Variants in GALNT6 observed in about 807,000 individuals in gnomAD.
GALNT6 encodes the protein polypeptide N-acetylgalactosaminyltransferase 6.
Under a neutral mutation model 65.9 loss-of-function variants are expected in GALNT6, and 51 were observed. That is an observed-to-expected ratio of 0.77 (90% CI 0.62 to 0.98). GALNT6 has a LOEUF of 0.98. Ranked by LOEUF, GALNT6 falls within the 50% of genes least tolerant of loss-of-function variation. GALNT6 has a pLI of 0.00. For synonymous variants in GALNT6, 323 were observed against 315.1 expected (o/e 1.02, Z -0.26); for missense variants, 708 against 803.3 (o/e 0.88, Z 1.43).
Position 51,387,656 on chromosome 12 carries a change from C to T in GALNT6, c.-104+3194G>A, listed in dbSNP as rs576928162. On this transcript the variant is annotated intron_variant, in intron 2 of 11. Transcript: ENST00000356317. The surrounding 1 kb of genome is among the most constrained non-coding windows in gnomAD (Gnocchi z 4.2). ...TTCCAGGTGGGGCAGGGGTGTGCAACGGTTTATCCCTAGGAGTGCAGAAGT... is the reference window on the plus strand; with the variant it reads ...TTCCAGGTGGGGCAGGGGTGTGCAATGGTTTATCCCTAGGAGTGCAGAAGT... Among the ~76,000 whole-genome samples, 3 of 152,108 alleles carry T rather than the reference C, an allele frequency of 2.0e-5. No homozygotes were observed. Among genetic ancestry groups the T allele is most frequent in the South Asian group, 4.1e-4 (2 of 4,820 alleles).
At chr12:51,378,812 T>C (rs1227132726) in intron 3 of GALNT6, among the ~76,000 whole-genome samples, 11 of 151,924 alleles carry the variant, frequency 7.2e-5, no homozygotes, top group Non-Finnish European at 1.6e-4. Flanking sequence ...TCCGGCCTTG[T>C]GGGCCTTCAC....
intron 9 of GALNT6, 63 bp from the exon 10 acceptor site, chr12:51,357,513 G>T: frequency 7.9e-7 from 1 of 1,263,880 alleles, no homozygotes. Flanking sequence ...CTCATGTGTG[G>T]TATGGGGCCC....
chr12:51,358,446 G>A (rs1049106889), intron 8 of GALNT6, among the ~76,000 whole-genome samples, 185 bp from the exon 9 acceptor site: 1 of 151,932 alleles, frequency 6.6e-6, no homozygotes, highest in African/African-American at 2.4e-5. Flanking sequence ...GACTACAGTC[G>A]CGCACCACCA....
chr12:51,371,901 C>T (rs1947305166), intron 4 of GALNT6, among the ~76,000 whole-genome samples: 1 of 152,170 alleles, frequency 6.6e-6, no homozygotes, highest in African/African-American at 2.4e-5. Flanking sequence ...TCTGATCAAA[C>T]AGTCAAACGT....
chr12:51,368,301 C>A (rs1947176878), intron 4 of GALNT6, among the ~76,000 whole-genome samples: 3 of 151,696 alleles, frequency 2.0e-5, no homozygotes, highest in Admixed American at 2.0e-4. Flanking sequence ...TTTGTTGAAG[C>A]TGTTCTTTAG....
chr12:51,374,163 T>A (rs1057064168), intron 4 of GALNT6, among the ~76,000 whole-genome samples: 6 of 151,872 alleles, frequency 4.0e-5, no homozygotes, highest in Non-Finnish European at 8.8e-5. Flanking sequence ...CTTGGCCTAT[T>A]TTACTTTATT....
At chr12:51,385,889 T>C (rs1033061927) in intron 2 of GALNT6, among the ~76,000 whole-genome samples, 1 of 151,986 alleles carries the variant, frequency 6.6e-6, no homozygotes, top group Non-Finnish European at 1.5e-5. Context: ...GGCTGAAGTG[T>C]AGTGGCATGA....
intron 3 of GALNT6, 125 bp downstream of exon 3, chr12:51,379,166 T>A: frequency 2.1e-6 from 2 of 954,002 alleles, no homozygotes; most frequent in South Asian, 2.1e-5. Flanking sequence ...ATAGAGGAGA[T>A]CCTTGCCCAT....
At chr12:51,361,399 C>T (rs761607763) in intron 6 of GALNT6, among the ~76,000 whole-genome samples, 6 of 152,188 alleles carry the variant, frequency 3.9e-5, no homozygotes, top group Non-Finnish European at 4.4e-5. Context: ...TTTTAGTAGG[C>T]GCCTAGCCCT....
chr12:51,388,183 C>T (rs1365314362), intron 2 of GALNT6, among the ~76,000 whole-genome samples: 2 of 152,244 alleles, frequency 1.3e-5, no homozygotes, highest in Non-Finnish European at 2.9e-5. Context: ...CCTCCGGGTT[C>T]CTCACTGTCC....
intron 2 of GALNT6, among the ~76,000 whole-genome samples, chr12:51,389,404 T>A (rs1947945971): frequency 6.6e-6 from 1 of 152,262 alleles, no homozygotes; most frequent in Non-Finnish European, 1.5e-5. Context: ...TCAAGTAACT[T>A]GACCAAGGTC....
At chr12:51,375,985 C>T (rs1194031174) in intron 4 of GALNT6, among the ~76,000 whole-genome samples, 4 of 151,998 alleles carry the variant, frequency 2.6e-5, no homozygotes, top group African/African-American at 7.2e-5. Flanking sequence ...CTCAGCCTCC[C>T]GAGCAGCTGG....
rs1565731669 is a variant in GALNT6, at chr12:51,379,661, G to T, written c.121C>A (p.Pro41Thr). 6.2e-7 allele frequency: 1 copy of T among 1,614,182 alleles called. No individual in the cohort carries two copies. The highest frequency in any genetic ancestry group is 8.5e-7 in the Non-Finnish European group (1 of 1,180,016). ...VSSREEATEK[P>T]WLKSLVSRKD... ...CGGCTCACCAGGGACTTCAGCCACG[G>T]CTTCTCTGTGGCCTCCTCTCTGCTG... Residue 41 changes from proline to threonine, a missense_variant, in exon 3 of 12, where the codon CCG (proline) becomes ACG (threonine). Pro to Thr is a conservative substitution (Grantham distance 38). Coordinates refer to ENST00000356317, the MANE Select transcript of GALNT6 (RefSeq NM_007210.4).
intron 3 of GALNT6, among the ~76,000 whole-genome samples, chr12:51,378,890 C>T (rs12307648): frequency 0.52 from 74,678 of 144,962 alleles, 21,592 homozygotes; most frequent in Non-Finnish European, 0.64. Flanking sequence ...CCACCCCCCC[C>T]CCAAACAGCT....
In GALNT6 at chr12:51,377,195, C is replaced by T. The variant is rs754964299; in HGVS notation, c.664G>A (p.Glu222Lys). 32 of 1,613,246 alleles carry T rather than the reference C, an allele frequency of 2.0e-5. No homozygotes were observed. Among genetic ancestry groups the T allele is most frequent in the Non-Finnish European group, 2.7e-5 (32 of 1,179,976 alleles). Residue 222 changes from glutamate to lysine, a missense_variant and splice_region_variant, in exon 4 of 12, where the codon GAG becomes AAG. Glu to Lys is a moderately conservative substitution (Grantham distance 56). Transcript: ENST00000356317. The part of the protein sequence containing the change: ...IILVDDASTE[E>K]HLKEKLEQYV... ...CTCCTCTGGGCCCCTCCAGCCTCAC[C>T]CTCTGTGCTGGCATCATCCACCAGT...
intron 4 of GALNT6, among the ~76,000 whole-genome samples, chr12:51,375,472 T>A (rs1208235151): frequency 1.3e-5 from 2 of 152,154 alleles, no homozygotes; most frequent in Non-Finnish European, 2.9e-5. Flanking sequence ...GTGACACTCT[T>A]ACTTGATGCC....
intron 2 of GALNT6, chr12:51,382,636 G>A (rs577598229): frequency 6.6e-6 from 1 of 152,416 alleles, no homozygotes; most frequent in Non-Finnish European, 1.5e-5. Flanking sequence ...TCATGCTGAG[G>A]AGCATTTGCC....
intron 6 of GALNT6, among the ~76,000 whole-genome samples, chr12:51,361,838 T>A (rs1369838818): frequency 2.0e-5 from 3 of 151,762 alleles, no homozygotes; most frequent in Non-Finnish European, 2.9e-5. Flanking sequence ...AGTGGGCAGC[T>A]TCATGTGGTA....
intron 4 of GALNT6, among the ~76,000 whole-genome samples, chr12:51,374,684 C>T (rs1947396603): frequency 1.3e-5 from 2 of 152,112 alleles, no homozygotes. Flanking sequence ...CCACATGCCT[C>T]CTACGAGGAG....
Sources: gnomAD v4.1 joint callset for allele counts (sites outside exome capture counted in the v4.1 genomes callset) on GRCh38, gnomAD v4.1.1 for gene constraint, Gnocchi (gnomAD v3.1) non-coding constraint, MANE v1.5 for transcripts, NCBI Gene and HGNC (gene_info 2026-07-23, HGNC 2026-07-21) for gene names.